The following RIPOR2 variants were observed in gnomAD, a reference collection of about 807,000 sequenced individuals.
The protein encoded by RIPOR2 is RHO family interacting cell polarization regulator 2, also known as rho family-interacting cell polarization regulator 2.
Under a neutral mutation model 114.5 loss-of-function variants are expected in RIPOR2, and 39 were observed. The ratio of observed to expected loss-of-function variants is 0.34; its 90% confidence interval spans 0.26 to 0.44. The LOEUF is 0.44. Ranked by LOEUF, RIPOR2 falls within the 20% of genes least tolerant of loss-of-function variation. The pLI, the probability that RIPOR2 is intolerant of heterozygous loss-of-function variation, is 1.00. For missense variants in RIPOR2, 1,007 were observed against 1,255.1 expected (o/e 0.80, Z 2.99); for synonymous variants, 445 against 484.4 (o/e 0.92, Z 1.07).
At chr6:25,018,471 A>G (rs1177197079) in intron 1 of RIPOR2, among the ~76,000 whole-genome samples, 1 of 152,146 alleles carries the variant, frequency 6.6e-6, no homozygotes, top group Non-Finnish European at 1.5e-5. Context: ...CCATTTTTTA[A>G]AAGCAGATGT....
chr6:24,943,215 A>G (rs1168993025), intron 1 of RIPOR2, among the ~76,000 whole-genome samples: 1 of 152,220 alleles, frequency 6.6e-6, no homozygotes, highest in African/African-American at 2.4e-5. Flanking sequence ...GCTGGAAACC[A>G]TCATTCTCAG....
intron 1 of RIPOR2, among the ~76,000 whole-genome samples, chr6:24,889,464 A>G (rs1007890108): frequency 6.6e-6 from 1 of 152,162 alleles, no homozygotes; most frequent in Admixed American, 6.5e-5. Context: ...TATTGGAATG[A>G]CCTGTTTATG....
chr6:24,934,369 T>G (rs1478241020), intron 1 of RIPOR2, among the ~76,000 whole-genome samples: 1 of 152,212 alleles, frequency 6.6e-6, no homozygotes, highest in Non-Finnish European at 1.5e-5. Flanking sequence ...AATGATAACT[T>G]GGTAAACAGC....
chr6:24,992,877 A>G lies in RIPOR2; in HGVS notation c.76+48974T>C, dbSNP rs1292900854. On this transcript the variant is annotated intron_variant, in intron 1 of 13. Coordinates refer to the RIPOR2 transcript ENST00000510784. ...TGGTACAAATCTGGATTTACATGTA[A>G]AACCTCATGATTTTAAAACAACGAC... Among the ~76,000 whole-genome samples the G allele has an allele frequency of 6.6e-5, 10 of 152,342 alleles. 1 individual carries two copies. The East Asian group carries it at 9.6e-4, about 15-fold the overall frequency.
intron 1 of RIPOR2, chr6:24,910,947 CTT>C (rs1195817436): frequency 1.0e-6 from 1 of 985,302 alleles, no homozygotes; most frequent in East Asian, 1.1e-4. Flanking sequence ...AGCTGGCTCA[CTT>C]GGGTGAAGGG....
chr6:24,995,292 A>G (rs7744690), intron 1 of RIPOR2, among the ~76,000 whole-genome samples: 150,966 of 152,304 alleles, frequency 0.99, 74,826 homozygotes, highest in East Asian at 1. Flanking sequence ...GGCTTCAGCA[A>G]TAGGAGCTGC....
intron 1 of RIPOR2, among the ~76,000 whole-genome samples, chr6:24,928,906 C>T (rs1222207173): frequency 6.6e-6 from 1 of 152,158 alleles, no homozygotes; most frequent in Admixed American, 6.5e-5. Context: ...ACTTTACCCA[C>T]CCCAAAAAGT....
intron 1 of RIPOR2, among the ~76,000 whole-genome samples, chr6:24,904,062 G>A (rs1768730935): frequency 6.6e-6 from 1 of 152,210 alleles, no homozygotes; most frequent in South Asian, 2.1e-4. Context: ...TGTGAGTTGG[G>A]GTCTCCGTCA....
At chr6:25,032,633 A>G (rs1464421495) in intron 1 of RIPOR2, among the ~76,000 whole-genome samples, 1 of 152,174 alleles carries the variant, frequency 6.6e-6, no homozygotes, top group Non-Finnish European at 1.5e-5. Context: ...CCAGCTGGAA[A>G]CAGAAAGAGC....
intron 1 of RIPOR2, among the ~76,000 whole-genome samples, chr6:24,990,048 A>T (rs879356008): frequency 5.9e-5 from 9 of 152,098 alleles, no homozygotes; most frequent in Non-Finnish European, 1.0e-4. Context: ...AAAAAAAAAT[A>T]AAAAAATACC....
intron 19 of RIPOR2, among the ~76,000 whole-genome samples, chr6:24,824,045 C>T (rs998230550): frequency 3.3e-5 from 5 of 152,204 alleles, no homozygotes; most frequent in African/African-American, 7.2e-5. Flanking sequence ...GTGTGAGCCA[C>T]CGCGCCTGGG....
chr6:24,825,925 CTTTTTT>C (rs11454820), intron 18 of RIPOR2, among the ~76,000 whole-genome samples: 1 of 126,300 alleles, frequency 7.9e-6, no homozygotes, highest in Non-Finnish European at 1.6e-5. Flanking sequence ...ATGTTTTTCT[CTTTTTT>C]TTTTTTTTTT....
chr6:24,961,511 C>G (rs1403676313), intron 1 of RIPOR2, among the ~76,000 whole-genome samples: 1 of 152,146 alleles, frequency 6.6e-6, no homozygotes, highest in Non-Finnish European at 1.5e-5. Flanking sequence ...CACTTAACCT[C>G]TCCAAGCCTC....
intron 1 of RIPOR2, among the ~76,000 whole-genome samples, chr6:24,876,494 T>A (rs921619150): frequency 2.6e-5 from 4 of 152,084 alleles, no homozygotes; most frequent in Non-Finnish European, 5.9e-5. Context: ...AGATAAGTCA[T>A]GCGTCAAACT....
At chr6:24,950,349 C>T (rs1031014092) in intron 1 of RIPOR2, among the ~76,000 whole-genome samples, 1 of 152,106 alleles carries the variant, frequency 6.6e-6, no homozygotes, top group Non-Finnish European at 1.5e-5. Context: ...TTTTCTTCCT[C>T]CCTCCCTCCC....
chr6:24,922,205 A>G (rs1770547627), intron 1 of RIPOR2, among the ~76,000 whole-genome samples: 1 of 152,198 alleles, frequency 6.6e-6, no homozygotes, highest in Non-Finnish European at 1.5e-5. Context: ...CCCAAGGGAG[A>G]CACATCTTCT....
chr6:24,846,400 G>A (rs1437337324), intron 12 of RIPOR2, among the ~76,000 whole-genome samples: 1 of 144,622 alleles, frequency 6.9e-6, no homozygotes, highest in East Asian at 2.2e-4. Flanking sequence ...TCAACCTCCT[G>A]GGCTTCAGTG....
intron 1 of RIPOR2, among the ~76,000 whole-genome samples, chr6:24,969,892 T>C (rs1445702927): frequency 6.6e-6 from 1 of 152,160 alleles, no homozygotes; most frequent in East Asian, 1.9e-4. Context: ...CCTAAAGAAC[T>C]TCCCAGAGCC....
chr6:24,810,162 C>A (rs971233805), intron 20 of RIPOR2, among the ~76,000 whole-genome samples: 2 of 152,154 alleles, frequency 1.3e-5, no homozygotes, highest in African/African-American at 4.8e-5. Flanking sequence ...ACCACTTTAC[C>A]TATGGGGTCA....
Sources: allele counts gnomAD v4.1 joint callset (sites outside exome capture counted in the v4.1 genomes callset), GRCh38; gene constraint gnomAD v4.1.1; transcripts MANE v1.5; gene names NCBI Gene and HGNC (gene_info 2026-07-23, HGNC 2026-07-21).